The following MMP26 variants were observed in gnomAD, a reference collection of about 807,000 sequenced individuals.
MMP26 encodes the protein matrix metalloproteinase-26.
A neutral mutation model predicts 31.0 loss-of-function variants in MMP26; 33 were observed. That is an observed-to-expected ratio of 1.06 (90% CI 0.81 to 1.42). The LOEUF (loss-of-function observed/expected upper bound fraction) is 1.42, where lower values mean the gene tolerates loss of function less well. Ranked by LOEUF, MMP26 falls within the 40% of genes most tolerant of loss-of-function variation. MMP26 has a pLI of 0.00. For synonymous variants in MMP26, 122 were observed against 114.9 expected, an observed-to-expected ratio of 1.06 and a Z score of -0.40; for missense variants, 347 against 316.1, an observed-to-expected ratio of 1.10 and a Z score of -0.74.
At chr11:4,891,019 A>AATAATAATAATC (rs1554889158) in intron 2 of MMP26, among the ~76,000 whole-genome samples, 3 of 148,320 alleles carry the variant, frequency 2.0e-5, no homozygotes, top group Non-Finnish European at 4.5e-5. Flanking sequence ...TAATAATAAT[A>AATAATAATAATC]ATAATAAAAG....
chr11:4,738,651 C>G (rs11033625), intron 1 of MMP26, among the ~76,000 whole-genome samples: 26,665 of 152,048 alleles, frequency 0.18, 2,846 homozygotes, highest in African/African-American at 0.3. Context: ...GAATTGTCAG[C>G]CTTTGGTCAA....
intron 1 of MMP26, among the ~76,000 whole-genome samples, chr11:4,754,096 A>ATT (rs371054284): frequency 0.17 from 24,420 of 141,680 alleles, 2,510 homozygotes; most frequent in Middle Eastern, 0.3. Flanking sequence ...TAAAAGAGAG[A>ATT]TTTTTTTTTT....
chr11:4,767,788 C>T (rs1301645595), intron 2 of MMP26, among the ~76,000 whole-genome samples: 2 of 152,158 alleles, frequency 1.3e-5, no homozygotes, highest in African/African-American at 4.8e-5. Flanking sequence ...GTACCTGGTA[C>T]ATTTCTTCCA....
chr11:4,888,651 T>A (rs1374052882), intron 2 of MMP26, among the ~76,000 whole-genome samples: 8 of 152,206 alleles, frequency 5.3e-5, no homozygotes, highest in Non-Finnish European at 7.4e-5. Context: ...TAGAAAAAAA[T>A]TTGGTTTTTA....
At chr11:4,711,758 A>G (rs1210294038) in intron 1 of MMP26, 5 of 152,160 alleles carry the variant, frequency 3.3e-5, no homozygotes, top group Non-Finnish European at 7.4e-5. Flanking sequence ...TTGAAATGGA[A>G]CCCACAAATT....
chr11:4,788,084 G>A (rs987444933), intron 2 of MMP26, among the ~76,000 whole-genome samples: 1 of 152,154 alleles, frequency 6.6e-6, no homozygotes, highest in African/African-American at 2.4e-5. Flanking sequence ...GCCATTGTTT[G>A]AGGATACATG....
At chr11:4,849,092 G>C in intron 2 of MMP26, 1 of 1,614,118 alleles carries the variant, frequency 6.2e-7, no homozygotes, top group Non-Finnish European at 8.5e-7. Flanking sequence ...AGACAGCAAT[G>C]AGGGGCAATG....
chr11:4,761,305 T>G (rs78425414), intron 1 of MMP26, among the ~76,000 whole-genome samples: 12,844 of 152,332 alleles, frequency 0.084, 706 homozygotes, highest in Non-Finnish European at 0.12. Flanking sequence ...AATTAAGTCC[T>G]GTTTCTGATC....
intron 2 of MMP26, among the ~76,000 whole-genome samples, chr11:4,853,804 A>T (rs1378389445): frequency 6.6e-6 from 1 of 152,190 alleles, no homozygotes; most frequent in Non-Finnish European, 1.5e-5. Flanking sequence ...AGTAGAGTGT[A>T]ATCTTGATTC....
At chr11:4,735,734 TAAATTA>T (rs1370496615) in intron 1 of MMP26, among the ~76,000 whole-genome samples, 2 of 152,194 alleles carry the variant, frequency 1.3e-5, no homozygotes, top group African/African-American at 2.4e-5. Context: ...CAGTGGTGAT[TAAATTA>T]TATTTCAGAA....
At chr11:4,846,653 C>T (rs1479336584) in intron 2 of MMP26, among the ~76,000 whole-genome samples, 1 of 152,130 alleles carries the variant, frequency 6.6e-6, no homozygotes, top group Non-Finnish European at 1.5e-5. Context: ...TGTATCAAAA[C>T]ATCTCATGTA....
chr11:4,724,135 G>T, intron 1 of MMP26: 1 of 611,088 alleles, frequency 1.6e-6, no homozygotes. Flanking sequence ...GCTAGAGGTG[G>T]ACACCTCGTA....
chr11:4,706,283 A>G (rs944416231), intron 1 of MMP26, among the ~76,000 whole-genome samples: 5 of 151,698 alleles, frequency 3.3e-5, no homozygotes, highest in African/African-American at 1.2e-4. Context: ...ATTTATTTTT[A>G]TTGTGATAAA....
chr11:4,818,407 T>G (rs1849449581), intron 2 of MMP26, among the ~76,000 whole-genome samples: 1 of 152,190 alleles, frequency 6.6e-6, no homozygotes, highest in Non-Finnish European at 1.5e-5. Flanking sequence ...GTCATTATAT[T>G]TAAAGTTATA....
chr11:4,959,198 A>T (rs1171082370), intron 2 of MMP26, among the ~76,000 whole-genome samples: 1 of 132,898 alleles, frequency 7.5e-6, no homozygotes, highest in African/African-American at 2.8e-5. Context: ...AGATCTCGCC[A>T]CCGCACTCTA....
chr11:4,919,888 C>T (rs906394761), intron 2 of MMP26, among the ~76,000 whole-genome samples: 11 of 152,100 alleles, frequency 7.2e-5, no homozygotes, highest in Admixed American at 5.9e-4. Context: ...ACTTCATCTC[C>T]TCTTCCTGTC....
At chr11:4,791,493 A>C (rs1268422122) in intron 2 of MMP26, among the ~76,000 whole-genome samples, 6 of 152,120 alleles carry the variant, frequency 3.9e-5, no homozygotes, top group African/African-American at 1.4e-4. Context: ...TGTGTACCCT[A>C]GGTCTAGTGC....
intron 2 of MMP26, among the ~76,000 whole-genome samples, chr11:4,941,975 C>A (rs982669426): frequency 6.6e-6 from 1 of 150,508 alleles, no homozygotes; most frequent in Admixed American, 6.6e-5. Flanking sequence ...GTCCCAGCTA[C>A]TCAGGAGACT....
intron 2 of MMP26, among the ~76,000 whole-genome samples, chr11:4,859,179 A>G (rs775323008): frequency 6.6e-6 from 1 of 152,234 alleles, no homozygotes; most frequent in South Asian, 2.1e-4. Flanking sequence ...CTTCATAACT[A>G]AAACACCAAA....
Sources: allele counts gnomAD v4.1 joint callset (sites outside exome capture counted in the v4.1 genomes callset), GRCh38; gene constraint gnomAD v4.1.1; transcripts MANE v1.5; gene names NCBI Gene and HGNC (gene_info 2026-07-23, HGNC 2026-07-21).